FMN1: variants seen among roughly 807,000 people sequenced by gnomAD.
The protein encoded by FMN1 is formin-1.
In FMN1, 110 loss-of-function variants were observed where a neutral mutation model predicts 132.4. The ratio of observed to expected loss-of-function variants is 0.83; its 90% CI spans 0.71 to 0.97. The LOEUF is 0.97. FMN1 is among the 50% of genes least tolerant of loss of function. The pLI is 0.00. For missense variants in FMN1, 1,792 were observed against 1,705.3 expected (o/e 1.05, Z -0.90); for synonymous variants, 722 against 651.7 (o/e 1.11, Z -1.64).
At chr15:33,004,498 T>G (rs1484340684) in intron 7 of FMN1, among the ~76,000 whole-genome samples, 1 of 152,164 alleles carries the variant, frequency 6.6e-6, no homozygotes, top group Non-Finnish European at 1.5e-5. Context: ...AGATACTATC[T>G]CACATCAGTT....
chr15:33,181,170 G>C (rs1222385999), intron 2 of FMN1, among the ~76,000 whole-genome samples: 1 of 152,044 alleles, frequency 6.6e-6, no homozygotes, highest in Non-Finnish European at 1.5e-5. Context: ...TTTCCTTTTG[G>C]GGGCTCACAT....
chr15:32,970,082 G>A (rs1257011585), intron 7 of FMN1, among the ~76,000 whole-genome samples: 1 of 152,104 alleles, frequency 6.6e-6, no homozygotes, highest in African/African-American at 2.4e-5. Context: ...AAGGAACAGA[G>A]AACATAAATA....
At chr15:32,856,951 A>G (rs75668978) in intron 17 of FMN1, 64 bp downstream of exon 17, 5 of 1,225,858 alleles carry the variant, frequency 4.1e-6, no homozygotes, top group Middle Eastern at 1.9e-4. Flanking sequence ...GGCCTCAGAG[A>G]AAGATTCATG....
At chr15:33,016,727 G>C (rs548345702) in intron 6 of FMN1, among the ~76,000 whole-genome samples, 10 of 152,284 alleles carry the variant, frequency 6.6e-5, no homozygotes, top group Admixed American at 5.2e-4. Context: ...TCCACTGTTT[G>C]ATGATTGACT....
intron 7 of FMN1, among the ~76,000 whole-genome samples, chr15:32,976,493 A>C (rs1386223224): frequency 6.6e-6 from 1 of 152,238 alleles, no homozygotes; most frequent in East Asian, 1.9e-4. Flanking sequence ...CTGTAAAAAC[A>C]AAAGTTTCTA....
chr15:33,026,122 C>CACAT (rs1327246362), intron 6 of FMN1, among the ~76,000 whole-genome samples: 1 of 134,438 alleles, frequency 7.4e-6, no homozygotes, highest in African/African-American at 2.6e-5. Context: ...CACACACACA[C>CACAT]ACACACACAC....
At chr15:33,124,683 T>C (rs1962881792) in intron 4 of FMN1, among the ~76,000 whole-genome samples, 1 of 152,152 alleles carries the variant, frequency 6.6e-6, no homozygotes, top group South Asian at 2.1e-4. Context: ...ATTATTCCTT[T>C]CATTTTCAGA....
intron 6 of FMN1, among the ~76,000 whole-genome samples, chr15:33,042,141 A>T (rs1217724032): frequency 6.6e-6 from 1 of 152,162 alleles, no homozygotes; most frequent in Non-Finnish European, 1.5e-5. Context: ...AAATAAAACC[A>T]ATGAGAAAAA....
chr15:32,968,744 T>C lies in FMN1; in HGVS notation c.2957A>G (p.Tyr986Cys). The C allele has an allele frequency of 6.2e-7, 1 of 1,613,002 alleles. No individual in the cohort carries two copies. The highest frequency in any genetic ancestry group is 8.5e-7 in the Non-Finnish European group (1 of 1,179,642). ...IEPSCPMKPL[Y>C]WTRIQISDRS... is the part of the protein sequence containing the mutation. Reference sequence around the variant, plus strand: ...ATCACTTATTTGTATCCTAGTCCAATATAAAGGCTTCATGGGACAACTGGG... The same window carrying C: ...ATCACTTATTTGTATCCTAGTCCAACATAAAGGCTTCATGGGACAACTGGG... The change falls in exon 8 of 21, where the codon TAT becomes TGT. Residue 986 changes from tyrosine (Y) to cysteine (C), a missense_variant. Coordinates refer to ENST00000616417, the MANE Select transcript of FMN1 (RefSeq NM_001277313.2).
chr15:32,786,756 A>G (rs928660765), intron 19 of FMN1, among the ~76,000 whole-genome samples: 5 of 152,370 alleles, frequency 3.3e-5, no homozygotes, highest in Middle Eastern at 3.4e-3. Context: ...TATTAACGCC[A>G]TAAGGGCTGT....
rs141507927 is a variant in FMN1, at chr15:32,828,672, C to T, written c.3929-24340G>A. ...CCTGAGGATGAAAGATAAACATTTGCGGTTAAAATATTGTCACGACTCAGA... is the reference window on the plus strand; with the variant it reads ...CCTGAGGATGAAAGATAAACATTTGTGGTTAAAATATTGTCACGACTCAGA... On this transcript the variant is annotated intron_variant, in intron 17 of 20. Coordinates refer to ENST00000616417, the MANE Select transcript of FMN1 (RefSeq NM_001277313.2). Among the ~76,000 whole-genome samples, 508 of 152,218 alleles carry T rather than the reference C, an allele frequency of 3.3e-3. 1 individual carries two copies. Among genetic ancestry groups the T allele is most frequent in the Non-Finnish European group, 6.0e-3 (409 of 68,014 alleles).
intron 6 of FMN1, among the ~76,000 whole-genome samples, chr15:33,010,361 G>C (rs1018368386): frequency 3.9e-5 from 6 of 152,094 alleles, no homozygotes; most frequent in Non-Finnish European, 5.9e-5. Context: ...AGGAATTTTA[G>C]GGATAATGAT....
intron 9 of FMN1, 143 bp from the exon 10 acceptor site, chr15:32,926,404 T>C: frequency 1.8e-6 from 1 of 551,290 alleles, no homozygotes; most frequent in Non-Finnish European, 3.2e-6. Context: ...AAATAATACT[T>C]AATTGGGAAG....
chr15:33,011,544 A>G (rs903099371), intron 6 of FMN1, among the ~76,000 whole-genome samples: 4 of 152,100 alleles, frequency 2.6e-5, no homozygotes, highest in Middle Eastern at 3.2e-3. Context: ...ATATTCACAA[A>G]GCAATATATA....
chr15:33,068,086 G>A (rs2141262992), intron 5 of FMN1: 2 of 1,356,808 alleles, frequency 1.5e-6, no homozygotes, highest in African/African-American at 1.5e-5. Flanking sequence ...TGTGTTCCAG[G>A]GCAACTGTGA....
intron 10 of FMN1, among the ~76,000 whole-genome samples, chr15:32,923,651 G>C (rs1274612091): frequency 1.3e-5 from 2 of 152,168 alleles, no homozygotes. Flanking sequence ...TTCTTATCTA[G>C]AGTATAACAT....
chr15:32,966,635 A>G (rs2031260363), intron 8 of FMN1, among the ~76,000 whole-genome samples: 1 of 152,188 alleles, frequency 6.6e-6, no homozygotes, highest in Non-Finnish European at 1.5e-5. Context: ...TCAAAAGAAA[A>G]AAAATCAGTT....
At chr15:32,891,296 GGAGTGCAGTGATGC>G (rs1475713066) in intron 15 of FMN1, among the ~76,000 whole-genome samples, 31 of 152,216 alleles carry the variant, frequency 2.0e-4, no homozygotes, top group African/African-American at 7.0e-4. Context: ...CGCCCAGGCT[GGAGTGCAGTGATGC>G]GATGTTGGCT....
At chr15:33,077,530 A>G (rs1205797679) in intron 5 of FMN1, among the ~76,000 whole-genome samples, 1 of 151,358 alleles carries the variant, frequency 6.6e-6, no homozygotes, top group Non-Finnish European at 1.5e-5. Flanking sequence ...TGACTCCACA[A>G]CAGGCCCCGG....
Sources: gnomAD v4.1 joint callset for allele counts (sites outside exome capture counted in the v4.1 genomes callset) on GRCh38, gnomAD v4.1.1 for gene constraint, MANE v1.5 for transcripts, NCBI Gene and HGNC (gene_info 2026-07-23, HGNC 2026-07-21) for gene names.